The following LPCAT2 variants were observed in gnomAD, a reference collection of about 807,000 sequenced individuals.
LPCAT2 encodes 1-AGP acyltransferase 11.
Under a neutral mutation model 64.7 loss-of-function variants are expected in LPCAT2, and 58 were observed. That is an observed-to-expected ratio of 0.90 (90% CI 0.73 to 1.12). The LOEUF (loss-of-function observed/expected upper bound fraction) is 1.12. Among genes scored for constraint, LPCAT2 ranks in the 50% most tolerant of loss-of-function variants. The pLI, the probability that LPCAT2 is intolerant of heterozygous loss-of-function variation, is 0.00. For synonymous variants in LPCAT2, 252 were observed against 245.3 expected (o/e 1.03, Z -0.26); for missense variants, 579 against 669.8 (o/e 0.86, Z 1.50).
intron 1 of LPCAT2, among the ~76,000 whole-genome samples, chr16:55,510,707 G>C (rs1458096977): frequency 6.6e-6 from 1 of 152,080 alleles, no homozygotes; most frequent in Admixed American, 6.6e-5. Flanking sequence ...GAAATTAAAC[G>C]TTTAAAAATG....
intron 11 of LPCAT2, among the ~76,000 whole-genome samples, chr16:55,563,423 C>G (rs889135165): frequency 6.6e-6 from 1 of 151,844 alleles, no homozygotes; most frequent in Non-Finnish European, 1.5e-5. Context: ...AAACTACAGA[C>G]CAATATGCCA....
intron 8 of LPCAT2, chr16:55,542,095 G>A: frequency 1.7e-6 from 1 of 575,964 alleles, no homozygotes; most frequent in Non-Finnish European, 2.5e-6. Flanking sequence ...AAGAAAAAAT[G>A]AATAAACTAG....
chr16:55,525,418 C>A, intron 1 of LPCAT2, 90 bp from the exon 2 acceptor site: 1 of 1,167,808 alleles, frequency 8.6e-7, no homozygotes, highest in Non-Finnish European at 1.2e-6. Flanking sequence ...TGCATGAACA[C>A]CATAAAACTT....
rs542487312 is a variant in LPCAT2 at position 55,565,292 on chromosome 16, G to A, written c.1216-9339G>A. ...AGTGGTACAGTCAATAAGGAAAAGC[G>A]TATGGTAGTTCCTTAAAAAGATAAA... is the stretch of plus-strand genomic sequence containing the variant. On this transcript the variant is annotated intron_variant, in intron 11 of 13. Coordinates refer to ENST00000262134, the MANE Select transcript of LPCAT2 (RefSeq NM_017839.5). 5.1e-4 allele frequency among the ~76,000 whole-genome samples: 77 copies of A among 152,100 alleles called. 1 individual carries two copies. The South Asian group carries it at 0.014, about 27-fold the overall frequency.
chr16:55,558,844 G>A (rs1187432580), intron 11 of LPCAT2, among the ~76,000 whole-genome samples: 1 of 152,176 alleles, frequency 6.6e-6, no homozygotes, highest in African/African-American at 2.4e-5. Context: ...TATTTCCTAA[G>A]CTGATGAAAA....
At chr16:55,563,512 T>G (rs1421613831) in intron 11 of LPCAT2, among the ~76,000 whole-genome samples, 3 of 151,900 alleles carry the variant, frequency 2.0e-5, no homozygotes, top group Non-Finnish European at 4.4e-5. Flanking sequence ...TACACCATGA[T>G]CAAGTGGGAT....
At chr16:55,538,679 C>CA (rs3040226) in intron 8 of LPCAT2, 1,063 of 90,746 alleles carry the variant, frequency 0.012, 15 homozygotes, top group African/African-American at 0.038. Flanking sequence ...TCACTGTGGC[C>CA]AAAAAAAAAA....
At chr16:55,536,830 T>C (rs1323412055) in intron 7 of LPCAT2, among the ~76,000 whole-genome samples, 2 of 152,198 alleles carry the variant, frequency 1.3e-5, no homozygotes, top group Non-Finnish European at 2.9e-5. Flanking sequence ...GGAACAACTA[T>C]TTCAAACATT....
At position 55,510,853 on chromosome 16, in the gene LPCAT2, C is replaced by T. The variant is rs535469591; in HGVS notation, c.171+1501C>T. 3.9e-5 allele frequency among the ~76,000 whole-genome samples: 6 copies of T among 152,158 alleles called. No homozygotes were observed. The South Asian group carries it at 1.2e-3, about 32-fold the overall frequency. On this transcript the variant is annotated intron_variant, in intron 1 of 13. Transcript: ENST00000262134. ...AATCATACTTAAATGAAAATATGCC[C>T]ATCTATTTGACTTCATATTTTGGAA...
intron 1 of LPCAT2, among the ~76,000 whole-genome samples, chr16:55,519,675 A>G (rs1269223529): frequency 6.6e-6 from 1 of 152,180 alleles, no homozygotes; most frequent in African/African-American, 2.4e-5. Flanking sequence ...AATTTCATCA[A>G]AGAGCTAGAA....
intron 8 of LPCAT2, chr16:55,538,774 G>C (rs1963357925): frequency 6.7e-6 from 1 of 149,828 alleles, no homozygotes; most frequent in South Asian, 2.1e-4. Context: ...AATAACATTT[G>C]GAAGTATCAA....
At chr16:55,511,634 CA>C (rs1239681894) in intron 1 of LPCAT2, among the ~76,000 whole-genome samples, 3 of 152,068 alleles carry the variant, frequency 2.0e-5, no homozygotes, top group African/African-American at 7.2e-5. Context: ...GACATATTAC[CA>C]AATGGAAATA....
At position 55,509,280 on chromosome 16, in the gene LPCAT2, G is replaced by T. The variant is rs774286349; in HGVS notation, c.99G>T (p.Ala33=). The part of the protein sequence containing the change: ...GLRPPMVPRQ[A]SFFPPPVPNP... Reference sequence around the variant, plus strand: ...GGCCGCCCATGGTGCCCCGTCAGGCGTCCTTCTTCCCGCCGCCGGTGCCGA... The same window carrying T: ...GGCCGCCCATGGTGCCCCGTCAGGCTTCCTTCTTCCCGCCGCCGGTGCCGA... Residue 33 remains alanine (A), a synonymous_variant, in exon 1 of 14, where the codon GCG becomes GCT. Coordinates refer to ENST00000262134, the MANE Select transcript of LPCAT2 (RefSeq NM_017839.5). 2 of 1,513,692 alleles carry T rather than the reference G, an allele frequency of 1.3e-6. No individual in the cohort carries two copies. Among genetic ancestry groups the T allele is most frequent in the Non-Finnish European group, 1.8e-6 (2 of 1,123,590 alleles). 93.8% of individuals were successfully genotyped at this position (1,513,692 alleles called of 1,614,324 possible).
intron 2 of LPCAT2, among the ~76,000 whole-genome samples, chr16:55,526,959 T>C (rs1177467369): frequency 2.0e-5 from 3 of 152,138 alleles, no homozygotes; most frequent in African/African-American, 4.8e-5. Flanking sequence ...GAATATGGGA[T>C]AAATATAGTT....
At chr16:55,527,395 G>T (rs528222695) in intron 2 of LPCAT2, among the ~76,000 whole-genome samples, 8 of 149,486 alleles carry the variant, frequency 5.4e-5, no homozygotes, top group Admixed American at 2.7e-4. Context: ...CAGGAGAATC[G>T]CTTGTACCTG....
intron 1 of LPCAT2, among the ~76,000 whole-genome samples, chr16:55,514,361 C>A (rs1430508291): frequency 6.6e-6 from 1 of 152,152 alleles, no homozygotes; most frequent in African/African-American, 2.4e-5. Context: ...CATCTGTCAC[C>A]TGACTGTTTA....
At chr16:55,525,130 C>G (rs1309519283) in intron 1 of LPCAT2, among the ~76,000 whole-genome samples, 1 of 151,998 alleles carries the variant, frequency 6.6e-6, no homozygotes, top group East Asian at 1.9e-4. Context: ...AGCAATTTCC[C>G]CTTCTTACCT....
intron 8 of LPCAT2, chr16:55,540,288 T>C (rs1484870391): frequency 1.3e-5 from 2 of 152,206 alleles, no homozygotes; most frequent in African/African-American, 4.8e-5. Context: ...TGAACAATGA[T>C]GAAGTTGTCT....
chr16:55,573,345 C>G lies in LPCAT2; in HGVS notation c.1216-1286C>G, dbSNP rs149904774. 5.0e-3 allele frequency among the ~76,000 whole-genome samples: 759 copies of G among 151,826 alleles called. 2 individuals carry two copies. The highest frequency in any genetic ancestry group is 0.012 in the Admixed American group (180 of 15,264). ...GTTTTAAAGTGGAAGTTCTATGAAC[C>G]TAGAGTAGTAGGTAACGGTAGATGA... On this transcript the variant is annotated intron_variant, in intron 11 of 13. Coordinates refer to ENST00000262134, the MANE Select transcript of LPCAT2 (RefSeq NM_017839.5).
Sources: gnomAD v4.1 joint callset for allele counts (sites outside exome capture counted in the v4.1 genomes callset) on GRCh38, gnomAD v4.1.1 for gene constraint, MANE v1.5 for transcripts, NCBI Gene and HGNC (gene_info 2026-07-23, HGNC 2026-07-21) for gene names.